Variants in MAML3 observed in about 807,000 individuals in gnomAD.
MAML3 encodes the protein mastermind-like protein 3.
A neutral mutation model predicts 101.9 loss-of-function variants in MAML3; 27 were observed. The ratio of observed to expected loss-of-function variants is 0.27; its 90% CI spans 0.20 to 0.37. The LOEUF is 0.37. Ranked by LOEUF, MAML3 falls within the 10% of genes least tolerant of loss-of-function variation. MAML3 has a pLI of 1.00. For synonymous variants in MAML3, 501 were observed against 555.9 expected, an observed-to-expected ratio of 0.90 and a Z score of 1.39; for missense variants, 1,316 against 1,444.9, an observed-to-expected ratio of 0.91 and a Z score of 1.45.
intron 1 of MAML3, among the ~76,000 whole-genome samples, chr4:140,053,228 C>T (rs1003414145): frequency 1.3e-5 from 2 of 151,968 alleles, no homozygotes; most frequent in Admixed American, 1.3e-4. Flanking sequence ...CCAAACAGCC[C>T]CTTCCAATAT....
intron 1 of MAML3, among the ~76,000 whole-genome samples, chr4:140,145,906 T>C (rs1460499095): frequency 2.0e-5 from 2 of 102,150 alleles, no homozygotes; most frequent in Non-Finnish European, 4.6e-5. Flanking sequence ...GGATTTTTAC[T>C]CTTGTTGCCC....
intron 1 of MAML3, among the ~76,000 whole-genome samples, chr4:140,076,886 T>C (rs1727776874): frequency 6.6e-6 from 1 of 152,100 alleles, no homozygotes; most frequent in Non-Finnish European, 1.5e-5. Flanking sequence ...TTCTTTTTTG[T>C]TGTGGTTGTT....
intron 2 of MAML3, among the ~76,000 whole-genome samples, chr4:139,886,907 A>G (rs10018158): frequency 0.045 from 6,796 of 152,308 alleles, 497 homozygotes; most frequent in African/African-American, 0.15. Context: ...CAAATGTTCC[A>G]AATAAGTAAA....
In MAML3 at chr4:140,152,947, G is replaced by A. The variant is rs1729202404; in HGVS notation, c.381C>T (p.Ala127=). 6.2e-7 allele frequency: 1 copy of A among 1,612,346 alleles called. No individual in the cohort carries two copies. Among genetic ancestry groups the A allele is most frequent in the Non-Finnish European group, 8.5e-7 (1 of 1,179,448 alleles). The change falls in exon 1 of 5, where the codon GCC becomes GCT. Residue 127 remains alanine (A), a synonymous_variant. Coordinates refer to ENST00000509479, the MANE Select transcript of MAML3 (RefSeq NM_018717.5). ...TCGGGTGCTGCTGTTTGCCGGTGCCGGCGCCCGATTTCTTGGCCCTCTGCT... is the reference window on the plus strand; with the variant it reads ...TCGGGTGCTGCTGTTTGCCGGTGCCAGCGCCCGATTTCTTGGCCCTCTGCT... ...TLEQRAKKSG[A]GTGKQQHPSK... is the part of the protein sequence containing the mutation.
intron 1 of MAML3, among the ~76,000 whole-genome samples, chr4:140,062,978 T>G (rs1727472063): frequency 6.6e-6 from 1 of 152,214 alleles, no homozygotes; most frequent in African/African-American, 2.4e-5. Flanking sequence ...ATAGAAAGTA[T>G]TACCACTCAT....
chr4:140,113,440 A>C (rs1467514325), intron 1 of MAML3, among the ~76,000 whole-genome samples: 3 of 152,230 alleles, frequency 2.0e-5, no homozygotes, highest in Non-Finnish European at 4.4e-5. Flanking sequence ...TCCTCTGCCC[A>C]GAAGTAGTTC....
intron 2 of MAML3, among the ~76,000 whole-genome samples, chr4:139,832,793 T>C (rs924594193): frequency 1.3e-5 from 2 of 152,238 alleles, no homozygotes; most frequent in East Asian, 3.8e-4. Flanking sequence ...ATAATCTGTA[T>C]AAACAAATGA....
intron 1 of MAML3, among the ~76,000 whole-genome samples, chr4:139,910,793 T>C (rs1241689033): frequency 6.6e-6 from 1 of 152,150 alleles, no homozygotes; most frequent in African/African-American, 2.4e-5. Context: ...GCAGGACCTA[T>C]TGACACTAAG....
chr4:140,113,329 C>T (rs78578684), intron 1 of MAML3, among the ~76,000 whole-genome samples: 3,413 of 151,972 alleles, frequency 0.022, 110 homozygotes, highest in African/African-American at 0.075. Context: ...AAGTAAAGCA[C>T]GACTATATGA....
chr4:139,902,802 T>C (rs577310877), intron 1 of MAML3, among the ~76,000 whole-genome samples: 89 of 152,334 alleles, frequency 5.8e-4, no homozygotes, highest in African/African-American at 2.1e-3. Context: ...CACAGCCTCT[T>C]CCGCACAACC....
chr4:139,953,183 C>T (rs558605268), intron 1 of MAML3, among the ~76,000 whole-genome samples: 5 of 152,182 alleles, frequency 3.3e-5, no homozygotes, highest in South Asian at 2.1e-4. Context: ...TGGAAGAAAA[C>T]GCTAGAAAAT....
At chr4:140,050,955 G>C (rs1727258233) in intron 1 of MAML3, among the ~76,000 whole-genome samples, 1 of 152,110 alleles carries the variant, frequency 6.6e-6, no homozygotes, top group South Asian at 2.1e-4. Context: ...GTACAATCAA[G>C]GTATCTAGAA....
intron 1 of MAML3, among the ~76,000 whole-genome samples, chr4:139,980,356 A>G (rs1560855836): frequency 6.6e-6 from 1 of 152,048 alleles, no homozygotes; most frequent in East Asian, 1.9e-4. Flanking sequence ...TCCTTTGGCC[A>G]TTACTGTGGC....
At chr4:140,125,877 C>G (rs1728674795) in intron 1 of MAML3, among the ~76,000 whole-genome samples, 1 of 152,178 alleles carries the variant, frequency 6.6e-6, no homozygotes, top group African/African-American at 2.4e-5. Context: ...CTCCCGGATT[C>G]AAGCGATTCT....
At position 139,973,715 on chromosome 4, in the gene MAML3, C is replaced by T. The variant is rs184419470; in HGVS notation, c.469-82748G>A. Among the ~76,000 whole-genome samples, 60 of 152,310 alleles carry T rather than the reference C, an allele frequency of 3.9e-4. 1 individual carries two copies. The highest frequency in any genetic ancestry group is 2.2e-3 in the Admixed American group (34 of 15,298). ...ACACCTGTAATCAAAACCACTTATTCTCCAAAAAACAAAAACAAAAACCAG... is the reference window on the plus strand; with the variant it reads ...ACACCTGTAATCAAAACCACTTATTTTCCAAAAAACAAAAACAAAAACCAG... On this transcript the variant is annotated intron_variant, in intron 1 of 4. Transcript: ENST00000509479.
rs776446589 is a variant in MAML3, at chr4:140,153,366, T to A, written c.-39A>T. 6.6e-7 allele frequency: 1 copy of A among 1,524,684 alleles called. No individual in the cohort carries two copies. The highest frequency in any genetic ancestry group is 8.8e-7 in the Non-Finnish European group (1 of 1,137,690). The allele number at this position is 1,524,684 out of a possible 1,614,324, so 94.4% of individuals were successfully genotyped here. A position where few individuals can be genotyped will look rare whatever the true frequency, so the allele number is the denominator to read the frequency against. ...CACACTATTTTGGAAGAACTTTTTT[T>A]ATCCACCCCCCTATCAGCCTCCTCC... On this transcript the variant is annotated 5_prime_UTR_variant, in exon 1 of 5. Coordinates refer to ENST00000509479, the MANE Select transcript of MAML3 (RefSeq NM_018717.5).
chr4:139,719,761 C>G lies in MAML3; in HGVS notation c.2979G>C (p.Gly993=). 1 of 1,613,690 alleles carries G rather than the reference C, an allele frequency of 6.2e-7. No individual in the cohort carries two copies. The change falls in exon 5 of 5, where the codon GGG becomes GGC. Residue 993 remains glycine, a synonymous_variant. Coordinates refer to ENST00000509479, the MANE Select transcript of MAML3 (RefSeq NM_018717.5). ...NNGASYPLQA[G]QPRLTKQHFP... ...AGTGCTGCTTGGTCAGTCTCGGCTG[C>G]CCAGCTTGAAGAGGGTAGCTGGCGC...
At chr4:139,746,300 A>G (rs1227278900) in intron 2 of MAML3, among the ~76,000 whole-genome samples, 1 of 152,274 alleles carries the variant, frequency 6.6e-6, no homozygotes, top group Non-Finnish European at 1.5e-5. Context: ...AAAATAATTC[A>G]TCAGTACACA....
chr4:139,969,219 C>T (rs1408844084), intron 1 of MAML3, among the ~76,000 whole-genome samples: 3 of 151,350 alleles, frequency 2.0e-5, no homozygotes, highest in African/African-American at 7.3e-5. Flanking sequence ...CACTGCATAC[C>T]AGATAATGAT....
Sources: allele counts gnomAD v4.1 joint callset (sites outside exome capture counted in the v4.1 genomes callset), GRCh38; gene constraint gnomAD v4.1.1; transcripts MANE v1.5; gene names NCBI Gene and HGNC (gene_info 2026-07-23, HGNC 2026-07-21).